The following TRAPPC9 variants were observed in gnomAD, a reference collection of about 807,000 sequenced individuals.
The protein encoded by TRAPPC9 is trafficking protein particle complex subunit 9.
A neutral mutation model predicts 124.0 loss-of-function variants in TRAPPC9; 83 were observed. That is an observed-to-expected ratio of 0.67 (90% CI 0.56 to 0.80). TRAPPC9 has a LOEUF of 0.80. Ranked by LOEUF, TRAPPC9 falls within the 30% of genes least tolerant of loss-of-function variation. The pLI is 0.00. For synonymous variants in TRAPPC9, 638 were observed against 617.5 expected, an observed-to-expected ratio of 1.03 and a Z score of -0.49; for missense variants, 1,302 against 1,508.3, an observed-to-expected ratio of 0.86 and a Z score of 2.27.
At chr8:139,750,820 A>G (rs1198341047) in intron 21 of TRAPPC9, among the ~76,000 whole-genome samples, 1 of 152,082 alleles carries the variant, frequency 6.6e-6, no homozygotes, top group Non-Finnish European at 1.5e-5. Context: ...AACACTCTCA[A>G]CTGCTTCCAT....
chr8:140,284,984 T>C (rs1257078086), intron 13 of TRAPPC9, among the ~76,000 whole-genome samples: 12 of 152,384 alleles, frequency 7.9e-5, no homozygotes, highest in Middle Eastern at 3.4e-3. Context: ...CATGGTTTTG[T>C]CTGCTAAGCA....
intron 21 of TRAPPC9, among the ~76,000 whole-genome samples, chr8:139,821,807 G>T (rs1433099999): frequency 6.6e-6 from 1 of 152,196 alleles, no homozygotes; most frequent in Non-Finnish European, 1.5e-5. Flanking sequence ...CTTCTGAGTA[G>T]AGACCAACAG....
intron 8 of TRAPPC9, among the ~76,000 whole-genome samples, chr8:140,362,221 A>AT (rs2067975646): frequency 6.6e-6 from 1 of 152,226 alleles, no homozygotes; most frequent in Non-Finnish European, 1.5e-5. Context: ...GTGCCTGATA[A>AT]CAAAGTTGGT....
chr8:140,134,146 T>G (rs560809997), intron 17 of TRAPPC9, among the ~76,000 whole-genome samples: 56 of 152,218 alleles, frequency 3.7e-4, no homozygotes, highest in African/African-American at 1.3e-3. Context: ...TTCAAAAGTA[T>G]CTACAAAGCC....
At chr8:140,378,268 T>C (rs566988912) in intron 7 of TRAPPC9, among the ~76,000 whole-genome samples, 26 of 152,262 alleles carry the variant, frequency 1.7e-4, no homozygotes, top group South Asian at 1.7e-3. Flanking sequence ...TGATCCTGGG[T>C]GTGTCTGGGA....
intron 16 of TRAPPC9, among the ~76,000 whole-genome samples, chr8:140,244,212 C>T (rs534288557): frequency 5.9e-5 from 9 of 152,268 alleles, no homozygotes; most frequent in Admixed American, 1.3e-4. Flanking sequence ...GGACAAGCTC[C>T]GCAGCAGGCA....
chr8:140,348,038 C>A (rs559400217), intron 9 of TRAPPC9, among the ~76,000 whole-genome samples: 1 of 152,204 alleles, frequency 6.6e-6, no homozygotes, highest in Non-Finnish European at 1.5e-5. Context: ...ACTCCAGCAG[C>A]TCTAAGAAGG....
chr8:139,987,347 A>G (rs1837304981), intron 19 of TRAPPC9, among the ~76,000 whole-genome samples: 3 of 152,292 alleles, frequency 2.0e-5, no homozygotes, highest in East Asian at 3.9e-4. Flanking sequence ...CAGCTGCACT[A>G]TTTTATATCC....
Position 140,451,011 on chromosome 8 carries a change from C to G in TRAPPC9, c.363G>C (p.Gln121His). 6.2e-7 allele frequency: 1 copy of G among 1,614,152 alleles called. No individual in the cohort carries two copies. Among genetic ancestry groups the G allele is most frequent in the Non-Finnish European group, 8.5e-7 (1 of 1,180,032 alleles). ...TGCGCGGCTGCTCCACGATCTCCCC[C>G]TGCAGCCCGAAGACAAAGAGCCGGG... is the stretch of plus-strand genomic sequence containing the variant. ...YDSRLFVFGL[Q>H]GEIVEQPRTD... Residue 121 changes from glutamine (Q) to histidine (H), a missense_variant, in exon 2 of 23, where the codon CAG (glutamine) becomes CAC (histidine). Transcript: ENST00000438773.
intron 17 of TRAPPC9, among the ~76,000 whole-genome samples, chr8:140,180,378 T>C (rs981565741): frequency 6.6e-6 from 1 of 152,038 alleles, no homozygotes; most frequent in African/African-American, 2.4e-5. Flanking sequence ...TCATATTTTT[T>C]CCTTTATATA....
At chr8:139,943,366 C>T (rs573186464) in intron 19 of TRAPPC9, among the ~76,000 whole-genome samples, 5 of 152,132 alleles carry the variant, frequency 3.3e-5, no homozygotes, top group African/African-American at 9.7e-5. Flanking sequence ...TGTGCCCAGC[C>T]GAGGTGGAGT....
chr8:140,052,308 A>G lies in TRAPPC9; in HGVS notation c.2557-28229T>C, dbSNP rs76600354. On this transcript the variant is annotated intron_variant, in intron 17 of 22. Transcript: ENST00000438773. ...AATGCAAGGAAACCTTCTCTTTAAAAGTAAGTCTGGAATAATTTCAGCCAC... is the reference window on the plus strand; with the variant it reads ...AATGCAAGGAAACCTTCTCTTTAAAGGTAAGTCTGGAATAATTTCAGCCAC... Among the ~76,000 whole-genome samples the G allele has an allele frequency of 7.0e-3, 1,070 of 152,356 alleles. 7 individuals carry two copies. The highest frequency in any genetic ancestry group is 0.024 in the African/African-American group (996 of 41,574).
chr8:139,852,374 T>C (rs1043092480), intron 21 of TRAPPC9, among the ~76,000 whole-genome samples: 3 of 152,220 alleles, frequency 2.0e-5, no homozygotes, highest in African/African-American at 7.2e-5. Flanking sequence ...GCCCATGTTA[T>C]TTCTGGTACC....
chr8:139,974,302 G>A (rs7004991), intron 19 of TRAPPC9, among the ~76,000 whole-genome samples: 21,143 of 152,190 alleles, frequency 0.14, 2,041 homozygotes, highest in East Asian at 0.41. Context: ...ATCTCAGAGC[G>A]TGGATGTACA....
Position 140,360,168 on chromosome 8 carries a change from G to T in TRAPPC9, c.1377C>A (p.Val459=). The part of the protein sequence containing the change: ...SRGTHRGWAA[V]QMRLLHELVY... ...CCAATTCATGGAGCAAACGCATCTG[G>T]ACCGCAGCCCAGCCTCTGTGCGTGC... Residue 459 remains valine, a synonymous_variant, in exon 9 of 23, where the codon GTC becomes GTA. Transcript: ENST00000438773. 1 of 1,614,228 alleles carries T rather than the reference G, an allele frequency of 6.2e-7. No homozygotes were observed. The highest frequency in any genetic ancestry group is 8.5e-7 in the Non-Finnish European group (1 of 1,180,046).
chr8:139,858,385 T>C (rs893677119), intron 21 of TRAPPC9, among the ~76,000 whole-genome samples: 1 of 152,244 alleles, frequency 6.6e-6, no homozygotes, highest in African/African-American at 2.4e-5. Flanking sequence ...TCCGCCCAGC[T>C]GCTGAGACCC....
chr8:139,852,181 C>T (rs1432909864), intron 21 of TRAPPC9, among the ~76,000 whole-genome samples: 3 of 152,176 alleles, frequency 2.0e-5, no homozygotes, highest in Non-Finnish European at 4.4e-5. Flanking sequence ...CTTGCTCCTC[C>T]TTGCCTTCCA....
At chr8:139,804,034 C>T (rs886387776) in intron 21 of TRAPPC9, among the ~76,000 whole-genome samples, 10 of 151,864 alleles carry the variant, frequency 6.6e-5, no homozygotes, top group South Asian at 2.1e-4. Context: ...CACTATCCAT[C>T]GCCGCCACCA....
intron 17 of TRAPPC9, among the ~76,000 whole-genome samples, chr8:140,043,055 A>G (rs1841368720): frequency 1.3e-5 from 2 of 152,152 alleles, no homozygotes; most frequent in South Asian, 2.1e-4. Flanking sequence ...TGTCTCTTCC[A>G]TGGACATCAG....
Sources: allele counts gnomAD v4.1 joint callset (sites outside exome capture counted in the v4.1 genomes callset), GRCh38; gene constraint gnomAD v4.1.1; transcripts MANE v1.5; gene names NCBI Gene and HGNC (gene_info 2026-07-23, HGNC 2026-07-21).